The following ADCY1 variants were observed in gnomAD, a reference collection of about 807,000 sequenced individuals.
ADCY1 encodes adenylate cyclase type 1.
A neutral mutation model predicts 105.4 loss-of-function variants in ADCY1; 28 were observed. The observed-to-expected ratio is 0.27, with a 90% CI of 0.20 to 0.36. ADCY1 has a LOEUF of 0.36. Among genes scored for constraint, ADCY1 ranks in the 10% least tolerant of loss-of-function variants. The probability of loss-of-function intolerance (pLI) is 1.00; values close to 1 mark genes in which losing one functional copy is unlikely to be tolerated. For synonymous variants in ADCY1, 655 were observed against 623.8 expected (o/e 1.05, Z -0.75); for missense variants, 977 against 1,434.2 (o/e 0.68, Z 5.15).
chr7:45,719,254 A>G lies in ADCY1; in HGVS notation c.*5259A>G, dbSNP rs1209120562. 1.3e-5 allele frequency: 2 copies of G among 152,318 alleles called. No homozygotes were observed. The highest frequency in any genetic ancestry group is 6.5e-5 in the Admixed American group (1 of 15,288). 9.4% of individuals were successfully genotyped at this position (152,318 alleles called of 1,614,324 possible). A position where few individuals can be genotyped will look rare whatever the true frequency, so the allele number is the denominator to read the frequency against. ...CAAGTGCCCATGAGCACAGCCCCAGACAGACACGGTGGGGAGCTTGGAGCC... is the reference window on the plus strand; with the variant it reads ...CAAGTGCCCATGAGCACAGCCCCAGGCAGACACGGTGGGGAGCTTGGAGCC... On this transcript the variant is annotated 3_prime_UTR_variant, in exon 20 of 20. Transcript: ENST00000297323.
chr7:45,614,934 G>T (rs74410586), intron 3 of ADCY1, among the ~76,000 whole-genome samples: 7 of 152,140 alleles, frequency 4.6e-5, no homozygotes, highest in Non-Finnish European at 1.0e-4. Context: ...AATAATAGGC[G>T]ACTTCAGTAG....
chr7:45,622,988 C>T (rs569478058), intron 4 of ADCY1, among the ~76,000 whole-genome samples: 9 of 152,322 alleles, frequency 5.9e-5, no homozygotes, highest in Admixed American at 4.6e-4. Context: ...GCTGTCGAAT[C>T]GGGGCTTCCA....
chr7:45,648,570 C>A, intron 4 of ADCY1, 100 bp from the exon 5 acceptor site: 3 of 1,512,490 alleles, frequency 2.0e-6, no homozygotes, highest in South Asian at 2.4e-5. Context: ...GTCTTGCCAG[C>A]GCTCTGTGGC....
intron 8 of ADCY1, among the ~76,000 whole-genome samples, chr7:45,671,766 C>T (rs1784372491): frequency 6.6e-6 from 1 of 152,090 alleles, no homozygotes; most frequent in Non-Finnish European, 1.5e-5. Context: ...TGTCTGCTTT[C>T]TAATTGGATT....
chr7:45,702,086 C>G (rs748527406), intron 14 of ADCY1, among the ~76,000 whole-genome samples: 2 of 152,218 alleles, frequency 1.3e-5, no homozygotes, highest in Non-Finnish European at 2.9e-5. Context: ...GCCCTCAAGG[C>G]TCGGGGCCTC....
At chr7:45,658,173 C>T (rs1218048790) in intron 6 of ADCY1, among the ~76,000 whole-genome samples, 1 of 152,264 alleles carries the variant, frequency 6.6e-6, no homozygotes, top group African/African-American at 2.4e-5. Context: ...GACCTCTGCC[C>T]ATGGCATGGT....
intron 3 of ADCY1, 144 bp from the exon 4 acceptor site, chr7:45,622,488 A>C: frequency 1.6e-6 from 1 of 634,256 alleles, no homozygotes; most frequent in Middle Eastern, 4.0e-4. Flanking sequence ...GGGAACCAGG[A>C]AGCCTTCATT....
intron 4 of ADCY1, among the ~76,000 whole-genome samples, chr7:45,634,697 G>T (rs766835394): frequency 3.9e-5 from 6 of 152,050 alleles, no homozygotes; most frequent in Admixed American, 1.3e-4. Flanking sequence ...CCTCCCTCTC[G>T]TGATGCTGGG....
intron 1 of ADCY1, among the ~76,000 whole-genome samples, chr7:45,587,372 T>C (rs1294245779): frequency 6.6e-6 from 1 of 152,092 alleles, no homozygotes; most frequent in Non-Finnish European, 1.5e-5. Context: ...GAATCTGGGA[T>C]GATGGGAGGG....
chr7:45,656,803 C>T (rs1794956245), intron 5 of ADCY1, among the ~76,000 whole-genome samples: 1 of 152,214 alleles, frequency 6.6e-6, no homozygotes, highest in Non-Finnish European at 1.5e-5. Context: ...GCTGTCACCA[C>T]CTGATGGCCC....
chr7:45,574,920 C>T lies in ADCY1; in HGVS notation c.377C>T (p.Ala126Val). ...CAGCTGCAGCAGGTCGGCCAGCTGGCGCTGCTCTTCAGCCTCACCTTCGCG... is the reference window on the plus strand; with the variant it reads ...CAGCTGCAGCAGGTCGGCCAGCTGGTGCTGCTCTTCAGCCTCACCTTCGCG... ...VPQLQQVGQL[A>V]LLFSLTFALL... Residue 126 changes from alanine (A) to valine (V), a missense_variant, in exon 1 of 20, where the codon GCG (alanine) becomes GTG (valine). Ala to Val is a moderately conservative substitution (Grantham distance 64). This residue lies in a region of ADCY1 where 209 missense variants were observed against 222.5 expected (regional missense o/e 0.94). Coordinates refer to ENST00000297323, the MANE Select transcript of ADCY1 (RefSeq NM_021116.4). This position sits in a 1 kb window ranked among gnomAD's most constrained non-coding sequence, Gnocchi z 7.0. 1 of 1,611,934 alleles carries T rather than the reference C, an allele frequency of 6.2e-7. No individual in the cohort carries two copies. The highest frequency in any genetic ancestry group is 8.5e-7 in the Non-Finnish European group (1 of 1,179,750).
At position 45,621,589 on chromosome 7, in the gene ADCY1, A is replaced by G. The variant is rs571099974; in HGVS notation, c.909-1043A>G. Among the ~76,000 whole-genome samples, 16 of 152,310 alleles carry G rather than the reference A, an allele frequency of 1.1e-4. No homozygotes were observed. The South Asian group carries it at 2.5e-3, about 24-fold the overall frequency. ...CATGGCGGACATGCGGAACGGTTGG[A>G]TAAGTTGCTGTCAATAGTGGAGCTG... On this transcript the variant is annotated intron_variant, in intron 3 of 19. Transcript: ENST00000297323.
intron 8 of ADCY1, among the ~76,000 whole-genome samples, chr7:45,668,208 G>A (rs1784300139): frequency 6.6e-6 from 1 of 152,162 alleles, no homozygotes; most frequent in South Asian, 2.1e-4. Flanking sequence ...TCTTGTGCCA[G>A]TTTTCAAAGG....
chr7:45,586,784 G>A (rs529909124), intron 1 of ADCY1, among the ~76,000 whole-genome samples: 2 of 152,374 alleles, frequency 1.3e-5, no homozygotes, highest in South Asian at 4.1e-4. Context: ...GAGGTGGCAG[G>A]CTGATCGCAG....
rs112576641 is a variant in ADCY1, at chr7:45,654,664, C to T, written c.1149-3063C>T. Among the ~76,000 whole-genome samples the T allele has an allele frequency of 3.2e-3, 492 of 152,280 alleles. 2 individuals are homozygous for T. The highest frequency in any genetic ancestry group is 1.0e-2 in the African/African-American group (415 of 41,550). On this transcript the variant is annotated intron_variant, in intron 5 of 19. Coordinates refer to ENST00000297323, the MANE Select transcript of ADCY1 (RefSeq NM_021116.4). ...CGCAGAGAAACTTGGAGGATTACTT[C>T]GTCTAATTATTGGATTCTAGTTTTC...
At chr7:45,624,961 A>C (rs1268777886) in intron 4 of ADCY1, among the ~76,000 whole-genome samples, 1 of 152,230 alleles carries the variant, frequency 6.6e-6, no homozygotes, top group Non-Finnish European at 1.5e-5. Context: ...GGGTCAGCCC[A>C]GGCCCTTTGC....
Position 45,647,991 on chromosome 7 carries a change from C to T in ADCY1, c.1021-679C>T, listed in dbSNP as rs1458944971. On this transcript the variant is annotated intron_variant, in intron 4 of 19. Transcript: ENST00000297323. This position sits in a 1 kb window ranked among gnomAD's most constrained non-coding sequence, Gnocchi z 4.6. The stretch of plus-strand genomic sequence containing the variant: ...TAAACACAACAGTCGTGATGATAAT[C>T]CCAGTTGACACTGATTGATCCAAGT... Among the ~76,000 whole-genome samples the T allele has an allele frequency of 2.6e-5, 4 of 152,200 alleles. No individual in the cohort carries two copies. Among genetic ancestry groups the T allele is most frequent in the Admixed American group, 6.5e-5 (1 of 15,276 alleles).
intron 1 of ADCY1, among the ~76,000 whole-genome samples, chr7:45,592,125 C>T (rs535953616): frequency 3.0e-4 from 46 of 151,708 alleles, no homozygotes; most frequent in Admixed American, 5.2e-4. Flanking sequence ...GTGGGAACAG[C>T]CACTCTACAC....
At chr7:45,590,488 CT>C (rs1414652737) in intron 1 of ADCY1, among the ~76,000 whole-genome samples, 2 of 152,156 alleles carry the variant, frequency 1.3e-5, no homozygotes, top group African/African-American at 4.8e-5. Context: ...GCCCCTGGGT[CT>C]TCCAGCTCCC....
Sources: allele counts gnomAD v4.1 joint callset (sites outside exome capture counted in the v4.1 genomes callset), GRCh38; gene constraint gnomAD v4.1.1; regional missense constraint gnomAD v4.1.1; non-coding constraint Gnocchi (gnomAD v3.1); transcripts MANE v1.5; gene names NCBI Gene and HGNC (gene_info 2026-07-23, HGNC 2026-07-21).